NEBL: variants seen among roughly 807,000 people sequenced by gnomAD.
NEBL encodes the protein LIM and SH3 protein 2.
Under a neutral mutation model 140.2 loss-of-function variants are expected in NEBL, and 122 were observed. The ratio of observed to expected loss-of-function variants is 0.87; its 90% CI spans 0.75 to 1.01. The LOEUF (loss-of-function observed/expected upper bound fraction) is 1.01, where lower values mean the gene tolerates loss of function less well. Ranked by LOEUF, NEBL falls within the 50% of genes least tolerant of loss-of-function variation. The pLI is 0.00. For missense variants in NEBL, 1,365 were observed against 1,231.3 expected (o/e 1.11, Z -1.62); for synonymous variants, 436 against 398.9 (o/e 1.09, Z -1.11).
At chr10:20,803,066 C>A (rs1242378149) in intron 26 of NEBL, among the ~76,000 whole-genome samples, 1 of 152,108 alleles carries the variant, frequency 6.6e-6, no homozygotes, top group East Asian at 1.9e-4. Context: ...CCGCAGGACA[C>A]CACTGCCACA....
chr10:20,846,238 G>A (rs545494025), intron 11 of NEBL, among the ~76,000 whole-genome samples: 1 of 152,008 alleles, frequency 6.6e-6, no homozygotes, highest in Non-Finnish European at 1.5e-5. Context: ...CTAAACAAGG[G>A]CCCAGATTTT....
chr10:20,918,883 T>C (rs1157248912), intron 4 of NEBL, among the ~76,000 whole-genome samples: 1 of 151,586 alleles, frequency 6.6e-6, no homozygotes, highest in Non-Finnish European at 1.5e-5. Context: ...AATAAATAAA[T>C]AATATTACTG....
At position 21,120,411 on chromosome 10, in the gene NEBL, TATATATATATA is replaced by T. The variant is rs1564518113; in HGVS notation, c.164+51961_164+51971del. ...AAAAATACATATATATATATATATATATATATATATATAAATTTGATCACTGGTTTAAAGTA... is the reference window on the plus strand; with the variant it reads ...AAAAATACATATATATATATATATATTAAATTTGATCACTGGTTTAAAGTA... On this transcript the variant is annotated intron_variant, in intron 2 of 6. Transcript: ENST00000417816. Among the ~76,000 whole-genome samples, 20 of 126,616 alleles carry T rather than the reference TATATATATATA, an allele frequency of 1.6e-4. 4 individuals are homozygous for T. The highest frequency in any genetic ancestry group is 1.1e-3 in the East Asian group (4 of 3,802). The allele number at this position is 126,616 out of a possible 152,430, so 83.1% of individuals were successfully genotyped here. A position where few individuals can be genotyped will look rare whatever the true frequency, so the allele number is the denominator to read the frequency against.
At chr10:20,923,521 A>G (rs1171649342) in intron 4 of NEBL, among the ~76,000 whole-genome samples, 2 of 151,832 alleles carry the variant, frequency 1.3e-5, no homozygotes, top group African/African-American at 4.8e-5. Flanking sequence ...TATTAAAAAT[A>G]CACAAAAATT....
rs573774123 is a variant in NEBL, at chr10:21,136,175, T to C, written c.164+36208A>G. ...GGTCCTCAAGGCATCTGCATTAAGA[T>C]CACCTAGTGAGACTGATACAATCCA... On this transcript the variant is annotated intron_variant, in intron 2 of 6. Coordinates refer to the NEBL transcript ENST00000417816. 7.0e-4 allele frequency among the ~76,000 whole-genome samples: 107 copies of C among 152,264 alleles called. 6 individuals are homozygous for C. The South Asian group carries it at 0.021, about 30-fold the overall frequency.
chr10:20,995,156 G>A (rs1589118969), intron 3 of NEBL, among the ~76,000 whole-genome samples: 1 of 152,162 alleles, frequency 6.6e-6, no homozygotes, highest in East Asian at 1.9e-4. Context: ...AATGCCAAGG[G>A]AAAATGATCT....
chr10:21,193,914 C>T (rs1319891948), intron 3 of NEBL, among the ~76,000 whole-genome samples: 2 of 152,176 alleles, frequency 1.3e-5, no homozygotes, highest in African/African-American at 4.8e-5. Context: ...AGATAAAATA[C>T]TATCATGATA....
At chr10:21,084,171 T>C (rs576216280) in intron 2 of NEBL, among the ~76,000 whole-genome samples, 5 of 152,164 alleles carry the variant, frequency 3.3e-5, no homozygotes, top group Non-Finnish European at 7.3e-5. Context: ...GAGATGGGAG[T>C]GGCTTTGAGA....
chr10:21,146,744 G>A (rs1029337727), intron 2 of NEBL, among the ~76,000 whole-genome samples: 4 of 152,140 alleles, frequency 2.6e-5, no homozygotes, highest in African/African-American at 9.7e-5. Context: ...AACTACAAAA[G>A]TATTCACAAA....
intron 26 of NEBL, among the ~76,000 whole-genome samples, chr10:20,788,510 A>G (rs1835634651): frequency 6.6e-6 from 1 of 152,180 alleles, no homozygotes; most frequent in Non-Finnish European, 1.5e-5. Flanking sequence ...TCAGAAAATT[A>G]CAAATCATTT....
intron 3 of NEBL, among the ~76,000 whole-genome samples, chr10:21,003,644 C>G (rs1837999121): frequency 1.3e-5 from 2 of 152,106 alleles, no homozygotes; most frequent in African/African-American, 2.4e-5. Context: ...TTTCTTGAAT[C>G]GACTTCGGTT....
chr10:21,258,533 C>A (rs1842694686), intron 1 of NEBL, among the ~76,000 whole-genome samples: 1 of 152,024 alleles, frequency 6.6e-6, no homozygotes, highest in Non-Finnish European at 1.5e-5. Context: ...GGTGAAACCC[C>A]ATCTCTACTA....
chr10:21,027,175 G>A (rs1833535320), intron 2 of NEBL, among the ~76,000 whole-genome samples: 1 of 152,014 alleles, frequency 6.6e-6, no homozygotes, highest in Non-Finnish European at 1.5e-5. Context: ...GCTGATTCTT[G>A]TGAAACCTCC....
chr10:21,265,029 T>C (rs1261649296), intron 1 of NEBL, among the ~76,000 whole-genome samples: 4 of 152,032 alleles, frequency 2.6e-5, no homozygotes, highest in African/African-American at 9.7e-5. Context: ...TTCAAATGAT[T>C]CTCCTGCCTC....
chr10:21,075,736 C>G (rs1471950616), intron 2 of NEBL, among the ~76,000 whole-genome samples: 1 of 152,192 alleles, frequency 6.6e-6, no homozygotes, highest in Non-Finnish European at 1.5e-5. Flanking sequence ...TTTAAATCGT[C>G]AGTCCACTTG....
intron 1 of NEBL, among the ~76,000 whole-genome samples, chr10:21,278,891 G>A (rs868561509): frequency 1.3e-5 from 2 of 152,102 alleles, no homozygotes; most frequent in Non-Finnish European, 2.9e-5. Flanking sequence ...CAAATCCAAC[G>A]TTGCCTCCAG....
chr10:21,033,136 C>T (rs1037899869), intron 2 of NEBL, among the ~76,000 whole-genome samples: 1 of 152,164 alleles, frequency 6.6e-6, no homozygotes, highest in Non-Finnish European at 1.5e-5. Flanking sequence ...TGACATCGAG[C>T]AGCCCTGTGA....
At chr10:21,133,587 G>T (rs887327455) in intron 2 of NEBL, among the ~76,000 whole-genome samples, 1 of 152,130 alleles carries the variant, frequency 6.6e-6, no homozygotes, top group African/African-American at 2.4e-5. Context: ...TCATAGAGTT[G>T]GAAGGATTAT....
At chr10:20,991,324 T>C (rs980119194) in intron 3 of NEBL, among the ~76,000 whole-genome samples, 2 of 152,086 alleles carry the variant, frequency 1.3e-5, no homozygotes, top group South Asian at 4.1e-4. Flanking sequence ...TATAAATAGG[T>C]GGTTCTAAAG....
Sources: gnomAD v4.1 joint callset for allele counts (sites outside exome capture counted in the v4.1 genomes callset) on GRCh38, gnomAD v4.1.1 for gene constraint, MANE v1.5 for transcripts, NCBI Gene and HGNC (gene_info 2026-07-23, HGNC 2026-07-21) for gene names.